PTPN7: variants seen among roughly 807,000 people sequenced by gnomAD.
PTPN7 encodes tyrosine-protein phosphatase non-receptor type 7.
PTPN7 carries 33 observed loss-of-function variants against 50.3 expected under a neutral mutation model. That is an observed-to-expected ratio of 0.66 (90% CI 0.50 to 0.88). The LOEUF is 0.88. Among genes scored for constraint, PTPN7 ranks in the 40% least tolerant of loss-of-function variants. The pLI, the probability that PTPN7 is intolerant of heterozygous loss-of-function variation, is 0.00. For synonymous variants in PTPN7, 185 were observed against 186.6 expected (o/e 0.99, Z 0.07); for missense variants, 412 against 475.4 (o/e 0.87, Z 1.24).
chr1:202,160,456 G>T lies in PTPN7; in HGVS notation c.-53+89C>A. ...ACTGTGGCGCCCCACTCGCCCTCCC[G>T]CACTCCCTCCTAGAGATGCCCTCTT... On this transcript the variant is annotated intron_variant, in intron 1 of 9. Transcript: ENST00000691036. The surrounding 1 kb of genome is among the most constrained non-coding windows in gnomAD (Gnocchi z 4.8). 1.5e-6 allele frequency: 2 copies of T among 1,336,976 alleles called. No homozygotes were observed. The highest frequency in any genetic ancestry group is 2.0e-6 in the Non-Finnish European group (2 of 978,232). The allele number at this position is 1,336,976 out of a possible 1,614,324, so 82.8% of individuals were successfully genotyped here. A position where few individuals can be genotyped will look rare whatever the true frequency, so the allele number is the denominator to read the frequency against.
In PTPN7 at chr1:202,159,298, A is replaced by G. The variant is rs775978929; in HGVS notation, c.105T>C (p.His35=). The G allele has an allele frequency of 1.2e-6, 2 of 1,614,040 alleles. No homozygotes were observed. Among genetic ancestry groups the G allele is most frequent in the East Asian group, 2.2e-5 (1 of 44,886 alleles). ...PPPEKTPAKK[H]VRLQERRGSN... is the part of the protein sequence containing the mutation. ...GATCTCACCTCTCCTGCAGTCGCAC[A>G]TGCTTCTTGGCTGGCGTTTTTTCAG... The change falls in exon 2 of 10, where the codon CAT becomes CAC. Residue 35 remains histidine (H), a synonymous_variant. Transcript: ENST00000691036. The surrounding 1 kb of genome is among the most constrained non-coding windows in gnomAD (Gnocchi z 4.6).
intron 8 of PTPN7, among the ~76,000 whole-genome samples, chr1:202,152,207 G>T (rs141451397): frequency 6.6e-6 from 1 of 152,190 alleles, no homozygotes; most frequent in Non-Finnish European, 1.5e-5. Flanking sequence ...CACCGTGCCC[G>T]GCCAATAATA....
rs767354991 is a variant in PTPN7, at chr1:202,150,238, C to G, written c.989+73G>C. 43 of 1,174,720 alleles carry G rather than the reference C, an allele frequency of 3.7e-5. 1 individual carries two copies. The African/African-American group carries it at 6.1e-4, about 17-fold the overall frequency. 72.8% of individuals were successfully genotyped at this position (1,174,720 alleles called of 1,614,324 possible). A position where few individuals can be genotyped will look rare whatever the true frequency, so the allele number is the denominator to read the frequency against. ...GAGTGCTTGATGGTGATGGGCCTAGCAGAACTCTGGGGCCCAGAGGCACTG... is the reference window on the plus strand; with the variant it reads ...GAGTGCTTGATGGTGATGGGCCTAGGAGAACTCTGGGGCCCAGAGGCACTG... On this transcript the variant is annotated intron_variant, in intron 9 of 9. Transcript: ENST00000691036.
rs1655838612 is a variant in PTPN7, at chr1:202,150,292, T to G, written c.989+19A>C. 5 of 1,594,312 alleles carry G rather than the reference T, an allele frequency of 3.1e-6. No individual in the cohort carries two copies. The East Asian group carries it at 1.1e-4, about 36-fold the overall frequency. ...CCATCCGTTAACGTTGTTGGCCTTG[T>G]TTACACCCACAGACCCACCTGTCTA... On this transcript the variant is annotated intron_variant, in intron 9 of 9. Coordinates refer to ENST00000691036, the MANE Select transcript of PTPN7 (RefSeq NM_002832.4).
rs1380521719 is a variant in PTPN7 at position 202,160,455 on chromosome 1, C to T, written c.-53+90G>A. 22 of 1,338,632 alleles carry T rather than the reference C, an allele frequency of 1.6e-5. No individual in the cohort carries two copies. Among genetic ancestry groups the T allele is most frequent in the Admixed American group, 4.6e-5 (2 of 43,704 alleles). The allele number at this position is 1,338,632 out of a possible 1,614,324, so 82.9% of individuals were successfully genotyped here. A position where few individuals can be genotyped will look rare whatever the true frequency, so the allele number is the denominator to read the frequency against. ...CACTGTGGCGCCCCACTCGCCCTCC[C>T]GCACTCCCTCCTAGAGATGCCCTCT... On this transcript the variant is annotated intron_variant, in intron 1 of 9. Coordinates refer to ENST00000691036, the MANE Select transcript of PTPN7 (RefSeq NM_002832.4). The surrounding 1 kb of genome is among the most constrained non-coding windows in gnomAD (Gnocchi z 4.8).
At chr1:202,152,782 G>C in intron 7 of PTPN7, 83 bp from the exon 8 acceptor site, 1 of 1,492,860 alleles carries the variant, frequency 6.7e-7, no homozygotes, top group Non-Finnish European at 9.2e-7. Flanking sequence ...AGGAGGGCAA[G>C]GGCTGGAATT....
chr1:202,157,378 G>A (rs897087858), intron 4 of PTPN7, among the ~76,000 whole-genome samples: 5 of 152,052 alleles, frequency 3.3e-5, no homozygotes, highest in African/African-American at 9.7e-5. Context: ...GCATGGAGGC[G>A]CATGCCTGTA....
chr1:202,154,148 T>G (rs529063508), intron 6 of PTPN7, 38 bp downstream of exon 6: 81 of 1,612,750 alleles, frequency 5.0e-5, no homozygotes, highest in Non-Finnish European at 6.7e-5. Flanking sequence ...GGCATAGCAC[T>G]TTCTGGGTTC....
Position 202,155,482 on chromosome 1 carries a change from C to T in PTPN7, c.468+51G>A, listed in dbSNP as rs370632706. 2.5e-5 allele frequency: 37 copies of T among 1,489,086 alleles called. No homozygotes were observed. The African/African-American group carries it at 3.3e-4, about 13-fold the overall frequency. The allele number at this position is 1,489,086 out of a possible 1,614,324, so 92.2% of individuals were successfully genotyped here. On this transcript the variant is annotated intron_variant, in intron 5 of 9. Transcript: ENST00000691036. ...GCCATGGCTGGAAGATATTCTCAGA[C>T]GTCTGAGAATTCCCCCATTCCCCGC...
At chr1:202,150,792 G>T (rs1318828524) in intron 8 of PTPN7, among the ~76,000 whole-genome samples, 1 of 151,984 alleles carries the variant, frequency 6.6e-6, no homozygotes, top group Non-Finnish European at 1.5e-5. Flanking sequence ...ATCTAACCTT[G>T]ACTTCCTCTC....
chr1:202,152,795 C>T, intron 7 of PTPN7, 96 bp from the exon 8 acceptor site: 1 of 1,409,914 alleles, frequency 7.1e-7, no homozygotes, highest in Middle Eastern at 1.9e-4. Flanking sequence ...CTGGAATTAC[C>T]CTGTGGGGGG....
intron 5 of PTPN7, 147 bp from the exon 6 acceptor site, chr1:202,154,470 G>T: frequency 2.2e-6 from 2 of 911,418 alleles, no homozygotes; most frequent in Non-Finnish European, 3.2e-6. Flanking sequence ...ACACTCAGAA[G>T]CCACATGATG....
intron 5 of PTPN7, among the ~76,000 whole-genome samples, 172 bp downstream of exon 5, chr1:202,155,361 T>A (rs1189135550): frequency 6.6e-6 from 1 of 152,112 alleles, no homozygotes; most frequent in African/African-American, 2.4e-5. Context: ...TAGGTTGGTG[T>A]TTTGGGGCAT....
At position 202,159,097 on chromosome 1, in the gene PTPN7, ACT is replaced by A; in HGVS notation, c.122+182_122+183del. The A allele has an allele frequency of 1.6e-6, 1 of 624,420 alleles. No homozygotes were observed. The highest frequency in any genetic ancestry group is 2.8e-6 in the Non-Finnish European group (1 of 354,584). 38.7% of individuals were successfully genotyped at this position (624,420 alleles called of 1,614,324 possible). Reference sequence around the variant, plus strand: ...GGAGCAGGCTCATGGTTGATATGAAACTCTGTGCTCCAGACATGCAAAAGACA... The same window carrying A: ...GGAGCAGGCTCATGGTTGATATGAAACTGTGCTCCAGACATGCAAAAGACA... On this transcript the variant is annotated intron_variant, in intron 2 of 9. Coordinates refer to ENST00000691036, the MANE Select transcript of PTPN7 (RefSeq NM_002832.4). The surrounding 1 kb of genome is among the most constrained non-coding windows in gnomAD (Gnocchi z 4.6).
At position 202,159,295 on chromosome 1, in the gene PTPN7, C is replaced by T; in HGVS notation, c.108G>A (p.Val36=). Residue 36 remains valine (V), a synonymous_variant, in exon 2 of 10, where the codon GTG becomes GTA. Transcript: ENST00000691036. This position sits in a 1 kb window ranked among gnomAD's most constrained non-coding sequence, Gnocchi z 4.6. ...GAAGATCTCACCTCTCCTGCAGTCG[C>T]ACATGCTTCTTGGCTGGCGTTTTTT... ...PPEKTPAKKH[V]RLQERRGSNV... 19 of 1,614,214 alleles carry T rather than the reference C, an allele frequency of 1.2e-5. No homozygotes were observed. Among genetic ancestry groups the T allele is most frequent in the Non-Finnish European group, 1.6e-5 (19 of 1,180,016 alleles).
chr1:202,157,539 G>A (rs896462782), intron 4 of PTPN7, among the ~76,000 whole-genome samples, 200 bp downstream of exon 4: 2 of 152,046 alleles, frequency 1.3e-5, no homozygotes, highest in East Asian at 1.9e-4. Flanking sequence ...TGAGAACAGG[G>A]CCTGGCCCAG....
chr1:202,154,053 A>C (rs1656359182), intron 6 of PTPN7, 133 bp downstream of exon 6: 1 of 1,316,918 alleles, frequency 7.6e-7, no homozygotes, highest in Non-Finnish European at 1.1e-6. Flanking sequence ...ATCTCAGGGA[A>C]CTTTCTGAGA....
chr1:202,159,338 A>G lies in PTPN7; in HGVS notation c.65T>C (p.Met22Thr). The change falls in exon 2 of 10, where the codon ATG becomes ACG. Residue 22 changes from methionine to threonine, a missense_variant. Coordinates refer to ENST00000691036, the MANE Select transcript of PTPN7 (RefSeq NM_002832.4). This position sits in a 1 kb window ranked among gnomAD's most constrained non-coding sequence, Gnocchi z 4.6. ...CGTTTTTTCAGGCGGAGGCTGGGTCATGGCTGCCCCCAAAGACAAGGTCAA... is the reference window on the plus strand; with the variant it reads ...CGTTTTTTCAGGCGGAGGCTGGGTCGTGGCTGCCCCCAAAGACAAGGTCAA... ...QPLTLSLGAA[M>T]TQPPPEKTPA... 1.9e-6 allele frequency: 3 copies of G among 1,614,194 alleles called. No individual in the cohort carries two copies. Among genetic ancestry groups the G allele is most frequent in the Non-Finnish European group, 2.5e-6 (3 of 1,180,024 alleles).
At position 202,147,502 on chromosome 1, in the gene PTPN7, G is replaced by A. The variant is rs1243169614; in HGVS notation, c.*1104C>T. ...TTACCTTCATCCCCATCTCAGAATG[G>A]GCAGCCAGTCTCAGATTCAAGGAGG... On this transcript the variant is annotated 3_prime_UTR_variant, in exon 10 of 10. Coordinates refer to ENST00000691036, the MANE Select transcript of PTPN7 (RefSeq NM_002832.4). The A allele has an allele frequency of 6.6e-6, 1 of 152,130 alleles. No homozygotes were observed. Among genetic ancestry groups the A allele is most frequent in the African/African-American group, 2.4e-5 (1 of 41,398 alleles). 9.4% of individuals were successfully genotyped at this position (152,130 alleles called of 1,614,324 possible).
Sources: allele counts gnomAD v4.1 joint callset (sites outside exome capture counted in the v4.1 genomes callset), GRCh38; gene constraint gnomAD v4.1.1; non-coding constraint Gnocchi (gnomAD v3.1); transcripts MANE v1.5; gene names NCBI Gene and HGNC (gene_info 2026-07-23, HGNC 2026-07-21).